The following CDC16 variants were observed in gnomAD, a reference collection of about 807,000 sequenced individuals.
CDC16 encodes the protein cell division cycle 16, also known as cell division cycle protein 16 homolog.
Under a neutral mutation model 87.0 loss-of-function variants are expected in CDC16, and 34 were observed. That is an observed-to-expected ratio of 0.39 (90% confidence interval 0.30 to 0.52). The LOEUF (loss-of-function observed/expected upper bound fraction) is 0.52, where lower values mean the gene tolerates loss of function less well. Among genes scored for constraint, CDC16 ranks in the 20% least tolerant of loss-of-function variants. The pLI is 0.74. For synonymous variants in CDC16, 263 were observed against 260.6 expected (o/e 1.01, Z -0.09); for missense variants, 653 against 751.9 (o/e 0.87, Z 1.54).
chr13:114,242,048 C>T (rs1290472439), intron 5 of CDC16, 73 bp from the exon 6 acceptor site: 70 of 1,487,480 alleles, frequency 4.7e-5, no homozygotes, highest in Non-Finnish European at 5.8e-5. Flanking sequence ...TGAGACTCTG[C>T]CTCTAAGGAG....
chr13:114,248,122 T>C (rs1162358325), intron 11 of CDC16, among the ~76,000 whole-genome samples: 1 of 152,212 alleles, frequency 6.6e-6, no homozygotes, highest in African/African-American at 2.4e-5. Flanking sequence ...TGGTTTTAAC[T>C]TAAGGAAAGC....
intron 14 of CDC16, among the ~76,000 whole-genome samples, chr13:114,260,417 C>T (rs1041569993): frequency 3.3e-5 from 5 of 152,216 alleles, no homozygotes; most frequent in Non-Finnish European, 7.3e-5. Flanking sequence ...AAGTGACTGC[C>T]TTATGCCCCA....
intron 13 of CDC16, among the ~76,000 whole-genome samples, chr13:114,258,022 T>G (rs1332223331): frequency 6.6e-6 from 1 of 152,242 alleles, no homozygotes; most frequent in African/African-American, 2.4e-5. Flanking sequence ...CCTGACCTGG[T>G]GATCCGCCTG....
chr13:114,255,160 T>C (rs1928036), intron 12 of CDC16, among the ~76,000 whole-genome samples: 4,574 of 152,350 alleles, frequency 0.03, 107 homozygotes, highest in Non-Finnish European at 0.046. Context: ...TAGTATTTCT[T>C]ACTGGGCAGA....
At chr13:114,236,563 G>T in intron 1 of CDC16, 82 bp from the exon 2 acceptor site, 2 of 1,139,272 alleles carry the variant, frequency 1.8e-6, no homozygotes. Flanking sequence ...ATATTACATA[G>T]AATTATAATA....
Position 114,257,248 on chromosome 13 carries a change from A to G in CDC16, c.1250+18A>G, listed in dbSNP as rs1566668881. On this transcript the variant is annotated intron_variant, in intron 13 of 17. Transcript: ENST00000356221. ...AATGGAGAGTAAGTACTGGAAGACC[A>G]GAAACCCTTCTGTTAACTAGTGATT... The G allele has an allele frequency of 1.3e-6, 2 of 1,585,134 alleles. No homozygotes were observed. The highest frequency in any genetic ancestry group is 1.7e-6 in the Non-Finnish European group (2 of 1,159,912).
chr13:114,239,295 T>C (rs1427206335), intron 4 of CDC16, 55 bp from the exon 5 acceptor site: 12 of 1,553,964 alleles, frequency 7.7e-6, no homozygotes, highest in Admixed American at 3.8e-5. Flanking sequence ...ATTCGGATCA[T>C]GTGTTTCGTG....
chr13:114,262,812 G>C, intron 15 of CDC16, 67 bp from the exon 16 acceptor site: 1 of 1,534,784 alleles, frequency 6.5e-7, no homozygotes, highest in Non-Finnish European at 9.0e-7. Flanking sequence ...GATATGGATG[G>C]TTGCTCATCT....
intron 17 of CDC16, among the ~76,000 whole-genome samples, chr13:114,266,250 CAG>C (rs1478429127): frequency 6.6e-6 from 1 of 152,170 alleles, no homozygotes; most frequent in Non-Finnish European, 1.5e-5. Flanking sequence ...CTGAGGAAAA[CAG>C]AGGTTTCTCC....
At chr13:114,245,918 A>T (rs989408482) in intron 9 of CDC16, 82 bp from the exon 10 acceptor site, 57 of 745,094 alleles carry the variant, frequency 7.7e-5, no homozygotes, top group Non-Finnish European at 1.3e-4. Flanking sequence ...GAATTATATG[A>T]TTGTGAAGAG....
chr13:114,271,632 G>C (rs944365051), intron 17 of CDC16, among the ~76,000 whole-genome samples: 2 of 151,696 alleles, frequency 1.3e-5, no homozygotes, highest in Non-Finnish European at 2.9e-5. Flanking sequence ...CCGCCACCAT[G>C]CCCGGCTAAT....
At chr13:114,240,715 T>C (rs572868211) in intron 5 of CDC16, among the ~76,000 whole-genome samples, 6 of 152,328 alleles carry the variant, frequency 3.9e-5, no homozygotes, top group African/African-American at 1.4e-4. Context: ...TAGATAGTTA[T>C]TTTTAAGCAT....
chr13:114,261,017 A>G (rs1262880933), intron 14 of CDC16, among the ~76,000 whole-genome samples: 1 of 152,202 alleles, frequency 6.6e-6, no homozygotes. Flanking sequence ...ATACGGTGCA[A>G]TTGAGGAACT....
At chr13:114,253,026 A>G (rs771166920) in intron 12 of CDC16, among the ~76,000 whole-genome samples, 33 of 152,212 alleles carry the variant, frequency 2.2e-4, no homozygotes, top group Non-Finnish European at 3.7e-4. Flanking sequence ...AATCCCAGCT[A>G]TGCGGGAAAC....
chr13:114,257,815 C>T (rs942795380), intron 13 of CDC16, among the ~76,000 whole-genome samples: 2 of 152,006 alleles, frequency 1.3e-5, no homozygotes, highest in Non-Finnish European at 2.9e-5. Context: ...GAGATGGAGT[C>T]TCGCTGTGTT....
At chr13:114,243,469 G>T (rs878916995) in intron 7 of CDC16, 121 bp downstream of exon 7, 1 of 548,086 alleles carries the variant, frequency 1.8e-6, no homozygotes, top group Non-Finnish European at 3.3e-6. Context: ...ACATTTTTAA[G>T]AATAGAGCGT....
chr13:114,247,037 C>T (rs774840772), intron 11 of CDC16, 33 bp downstream of exon 11: 9 of 1,364,048 alleles, frequency 6.6e-6, no homozygotes, highest in Non-Finnish European at 9.4e-6. Context: ...TCTAGTTAAC[C>T]TGTAGAATTG....
In CDC16 at chr13:114,252,237, T is replaced by C. The variant is rs576721515; in HGVS notation, c.1097+1563T>C. Among the ~76,000 whole-genome samples, 37 of 132,854 alleles carry C rather than the reference T, an allele frequency of 2.8e-4. 1 individual carries two copies. Among genetic ancestry groups the C allele is most frequent in the South Asian group, 2.5e-3 (10 of 3,978 alleles). The allele number at this position is 132,854 out of a possible 152,430, so 87.2% of individuals were successfully genotyped here. ...ACACTAGCCCTGTTGGATAAGAGCC[T>C]TACACTAGCCCTGTTGGAAAGGAGC... is the stretch of plus-strand genomic sequence containing the variant. On this transcript the variant is annotated intron_variant, in intron 12 of 17. Transcript: ENST00000356221.
chr13:114,255,482 C>G lies in CDC16; in HGVS notation c.1098-1596C>G, dbSNP rs553326478. On this transcript the variant is annotated intron_variant, in intron 12 of 17. Coordinates refer to ENST00000356221, the MANE Select transcript of CDC16 (RefSeq NM_001078645.3). ...ATCCCTAATCTGAAAATCCAAAGTT[C>G]AAAATGTTCCAGAAGCCCAAACTTT... 3.3e-5 allele frequency among the ~76,000 whole-genome samples: 5 copies of G among 152,118 alleles called. No individual in the cohort carries two copies. In the East Asian group the frequency reaches 9.7e-4, roughly 29 times the overall value.
Sources: allele counts gnomAD v4.1 joint callset (sites outside exome capture counted in the v4.1 genomes callset), GRCh38; gene constraint gnomAD v4.1.1; transcripts MANE v1.5; gene names NCBI Gene and HGNC (gene_info 2026-07-23, HGNC 2026-07-21).